Variants in ELF2 observed in about 807,000 individuals in gnomAD.
ELF2 encodes ETS-related transcription factor Elf-2.
In ELF2, 11 loss-of-function variants were observed where a neutral mutation model predicts 54.8. The observed-to-expected ratio is 0.20, with a 90% CI of 0.13 to 0.33. The LOEUF (loss-of-function observed/expected upper bound fraction) is 0.33. ELF2 is among the 10% of genes least tolerant of loss of function. The pLI is 1.00. For synonymous variants in ELF2, 203 were observed against 245.1 expected (o/e 0.83, Z 1.61); for missense variants, 513 against 703.0 (o/e 0.73, Z 3.06).
intron 1 of ELF2, among the ~76,000 whole-genome samples, chr4:139,172,397 A>G (rs1396540036): frequency 6.6e-6 from 1 of 152,198 alleles, no homozygotes; most frequent in Non-Finnish European, 1.5e-5. Flanking sequence ...ACCTCATACC[A>G]TGCCCCTCTG....
chr4:139,108,880 T>C (rs1734680570), intron 4 of ELF2, among the ~76,000 whole-genome samples: 1 of 152,298 alleles, frequency 6.6e-6, no homozygotes, highest in East Asian at 1.9e-4. Context: ...TCTGAACATT[T>C]TAAGATCCGG....
chr4:139,175,041 C>G (rs957830405), intron 1 of ELF2, among the ~76,000 whole-genome samples: 2 of 152,158 alleles, frequency 1.3e-5, no homozygotes, highest in Non-Finnish European at 2.9e-5. Flanking sequence ...AATTGTTCAC[C>G]TGCAAAATGG....
chr4:139,094,079 T>C (rs1732981270), intron 4 of ELF2, among the ~76,000 whole-genome samples: 1 of 152,128 alleles, frequency 6.6e-6, no homozygotes, highest in Non-Finnish European at 1.5e-5. Flanking sequence ...TTTGTATTTT[T>C]AGTAGAGACG....
At chr4:139,151,090 A>AAGAAAGAAAGAAAGAAAGAAAG (rs1457833969) in intron 1 of ELF2, among the ~76,000 whole-genome samples, 2 of 148,666 alleles carry the variant, frequency 1.3e-5, no homozygotes, top group African/African-American at 2.5e-5. Flanking sequence ...GAAAGAAAGA[A>AAGAAAGAAAGAAAGAAAGAAAG]AGAAAAAGAG....
intron 1 of ELF2, among the ~76,000 whole-genome samples, chr4:139,153,509 A>C (rs963037056): frequency 6.6e-6 from 1 of 152,124 alleles, no homozygotes; most frequent in Non-Finnish European, 1.5e-5. Context: ...CACTATCCCA[A>C]AGGGAAAAGT....
intron 7 of ELF2, 137 bp downstream of exon 7, chr4:139,067,547 A>C: frequency 1.2e-6 from 1 of 805,284 alleles, no homozygotes; most frequent in South Asian, 1.9e-5. Flanking sequence ...ATGCTGATAC[A>C]TCCCTTATTA....
intron 1 of ELF2, among the ~76,000 whole-genome samples, chr4:139,163,457 C>G (rs138574342): frequency 2.0e-5 from 3 of 152,066 alleles, no homozygotes; most frequent in African/African-American, 7.2e-5. Flanking sequence ...AGGAGAATAA[C>G]TTTTCACAAT....
chr4:139,128,357 C>A (rs984125112), intron 3 of ELF2, among the ~76,000 whole-genome samples: 4 of 152,034 alleles, frequency 2.6e-5, no homozygotes, highest in Admixed American at 1.3e-4. Context: ...TAAAAGGCAA[C>A]AAGTCCAATT....
Position 139,130,219 on chromosome 4 carries a change from C to CA in ELF2, c.73-4891dup, listed in dbSNP as rs1274266874. ...TAAAGAGATTCTCCCTCCTAGCCCT[C>CA]AAAAAAAAACAAACAACAATAAAAA... On this transcript the variant is annotated intron_variant, in intron 3 of 9. Coordinates refer to ENST00000686138, the MANE Select transcript of ELF2 (RefSeq NM_001331036.3). Among the ~76,000 whole-genome samples the CA allele has an allele frequency of 2.5e-3, 374 of 147,712 alleles. 2 individuals carry two copies. The highest frequency in any genetic ancestry group is 8.4e-3 in the African/African-American group (339 of 40,234).
chr4:139,088,220 A>G (rs958174450), intron 4 of ELF2, among the ~76,000 whole-genome samples: 46 of 149,306 alleles, frequency 3.1e-4, no homozygotes, highest in African/African-American at 1.0e-3. Flanking sequence ...CCAGGAGAGG[A>G]AGGTTGCAGT....
intron 1 of ELF2, among the ~76,000 whole-genome samples, chr4:139,154,839 C>T (rs919993146): frequency 6.6e-6 from 1 of 152,190 alleles, no homozygotes. Context: ...TTCCTCTACT[C>T]CCCTCTCACA....
At chr4:139,114,597 A>ACACACACACAC (rs1370544863) in intron 4 of ELF2, among the ~76,000 whole-genome samples, 20 of 145,770 alleles carry the variant, frequency 1.4e-4, no homozygotes, top group East Asian at 6.2e-4. Context: ...ACACACACAC[A>ACACACACACAC]ATTTAGGAGC....
At chr4:139,125,123 T>C (rs1461893625) in intron 4 of ELF2, 41 bp downstream of exon 4, 1 of 1,574,322 alleles carries the variant, frequency 6.4e-7, no homozygotes, top group Admixed American at 2.0e-5. Context: ...GCTTACAAAA[T>C]GAGAAAGTTA....
chr4:139,128,676 C>CA (rs753734947), intron 3 of ELF2, among the ~76,000 whole-genome samples: 10 of 151,808 alleles, frequency 6.6e-5, no homozygotes, highest in Non-Finnish European at 1.3e-4. Context: ...CATGTGCCAC[C>CA]ACTCCCAGCT....
intron 4 of ELF2, chr4:139,084,244 G>A (rs1578745395): frequency 6.2e-7 from 1 of 1,609,830 alleles, no homozygotes; most frequent in South Asian, 1.1e-5. Flanking sequence ...CGTGAGCAGC[G>A]GCGGCAGGGG....
chr4:139,085,591 T>C lies in ELF2; in HGVS notation c.239-12024A>G, dbSNP rs1261819564. On this transcript the variant is annotated intron_variant, in intron 4 of 9. Coordinates refer to ENST00000686138, the MANE Select transcript of ELF2 (RefSeq NM_001331036.3). ...TTTTTCTCATTTCTCCTAATATTCA[T>C]TTATTCTCTTGGTCCTTTTACCCTA... 2.0e-5 allele frequency among the ~76,000 whole-genome samples: 3 copies of C among 152,314 alleles called. No individual in the cohort carries two copies. The East Asian group carries it at 5.8e-4, about 29-fold the overall frequency.
intron 1 of ELF2, among the ~76,000 whole-genome samples, chr4:139,174,393 A>T (rs1742694043): frequency 6.6e-6 from 1 of 152,218 alleles, no homozygotes; most frequent in Admixed American, 6.5e-5. Flanking sequence ...ATAATGATAG[A>T]AAGTCGATCA....
At chr4:139,095,818 G>A (rs900501436) in intron 4 of ELF2, among the ~76,000 whole-genome samples, 2 of 152,156 alleles carry the variant, frequency 1.3e-5, no homozygotes, top group Non-Finnish European at 2.9e-5. Context: ...GCCAAGGCGG[G>A]TGGATCACTT....
rs1431687003 is a variant in ELF2 at position 139,135,235 on chromosome 4, ATATGTGTGTGTG to A, written c.72+2383_72+2394del. Reference sequence around the variant, plus strand: ...TTCTATTATACATATACTACTATATATATGTGTGTGTGTGTGTGTGTGTGTGTGTGTGTGTGT... The same window carrying A: ...TTCTATTATACATATACTACTATATATGTGTGTGTGTGTGTGTGTGTGTGT... On this transcript the variant is annotated intron_variant, in intron 3 of 9. Coordinates refer to ENST00000686138, the MANE Select transcript of ELF2 (RefSeq NM_001331036.3). Among the ~76,000 whole-genome samples the A allele has an allele frequency of 3.6e-3, 476 of 131,960 alleles. 1 individual carries two copies. Among genetic ancestry groups the A allele is most frequent in the East Asian group, 0.014 (65 of 4,774 alleles). The allele number at this position is 131,960 out of a possible 152,430, so 86.6% of individuals were successfully genotyped here. A position where few individuals can be genotyped will look rare whatever the true frequency, so the allele number is the denominator to read the frequency against.
Sources: allele counts gnomAD v4.1 joint callset (sites outside exome capture counted in the v4.1 genomes callset), GRCh38; gene constraint gnomAD v4.1.1; transcripts MANE v1.5; gene names NCBI Gene and HGNC (gene_info 2026-07-23, HGNC 2026-07-21).